RTN4R: variants seen among roughly 807,000 people sequenced by gnomAD.
RTN4R encodes the protein reticulon-4 receptor.
RTN4R carries 4 observed loss-of-function variants against 27.7 expected under a neutral mutation model. The ratio of observed to expected loss-of-function variants is 0.14; its 90% CI spans 0.07 to 0.33. RTN4R has a LOEUF of 0.33. Among genes scored for constraint, RTN4R ranks in the 10% least tolerant of loss-of-function variants. The probability of loss-of-function intolerance (pLI) is 1.00; values close to 1 mark genes in which losing one functional copy is unlikely to be tolerated. For missense variants in RTN4R, 554 were observed against 671.5 expected, an observed-to-expected ratio of 0.83 and a Z score of 1.93; for synonymous variants, 290 against 305.6, an observed-to-expected ratio of 0.95 and a Z score of 0.53.
chr22:20,263,825 G>A (rs1425075787), intron 1 of RTN4R, among the ~76,000 whole-genome samples: 4 of 152,264 alleles, frequency 2.6e-5, no homozygotes, highest in African/African-American at 4.8e-5. Flanking sequence ...ACACAGCTGC[G>A]GAACAGTGTC....
At chr22:20,268,306 GGCGGCGCGGGGGTTGGGGCGTGGGCGGC>G (rs1488412092) in exon 1 of RTN4R, 13 of 142,586 alleles carry the variant, frequency 9.1e-5, no homozygotes, top group Admixed American at 1.4e-4. Flanking sequence ...CGAGGGCGGC[GGCGGCGCGGGGGTTGGGGCGTGGGCGGC>G]GCGGCGGGCC....
At chr22:20,248,141 A>G (rs886746988) in intron 1 of RTN4R, among the ~76,000 whole-genome samples, 3 of 152,230 alleles carry the variant, frequency 2.0e-5, no homozygotes, top group Non-Finnish European at 4.4e-5. Context: ...TGTGGGTATA[A>G]TCAATAGCAA....
intron 1 of RTN4R, among the ~76,000 whole-genome samples, chr22:20,262,745 C>T (rs1361543232): frequency 6.6e-6 from 1 of 152,238 alleles, no homozygotes; most frequent in African/African-American, 2.4e-5. Context: ...GAGAGGCCTA[C>T]GGTGACCAGG....
At chr22:20,248,470 G>A (rs1442478959) in intron 1 of RTN4R, among the ~76,000 whole-genome samples, 1 of 152,174 alleles carries the variant, frequency 6.6e-6, no homozygotes, top group Non-Finnish European at 1.5e-5. Flanking sequence ...GCCCAGGTGA[G>A]AGCTGGCAGC....
At chr22:20,248,954 C>T (rs1045129633) in intron 1 of RTN4R, among the ~76,000 whole-genome samples, 6 of 152,244 alleles carry the variant, frequency 3.9e-5, no homozygotes, top group East Asian at 1.9e-4. Flanking sequence ...GCACCCTCCT[C>T]GGCTCCCACC....
chr22:20,241,828 G>A lies in RTN4R; in HGVS notation c.1305C>T (p.Gly435=). ...TRSHCRLGQA[G]SGGGGTGDSE... ...AGTCACCAGTCCCGCCACCCCCGCT[G>A]CCTGCCTGGCCCAGACGGCAGTGGC... Residue 435 remains glycine (G), a synonymous_variant, in exon 2 of 2, where the codon GGC becomes GGT. Coordinates refer to ENST00000043402, the MANE Select transcript of RTN4R (RefSeq NM_023004.6). 6.2e-7 allele frequency: 1 copy of A among 1,601,058 alleles called. No homozygotes were observed. Among genetic ancestry groups the A allele is most frequent in the Non-Finnish European group, 8.5e-7 (1 of 1,174,628 alleles).
intron 1 of RTN4R, chr22:20,249,016 C>T (rs897291234): frequency 3.5e-5 from 16 of 453,088 alleles, no homozygotes; most frequent in Middle Eastern, 5.1e-4. Flanking sequence ...GTGGAGGCCT[C>T]GCCCAGCCCA....
chr22:20,256,003 C>T (rs1300129645), intron 1 of RTN4R, among the ~76,000 whole-genome samples: 1 of 152,204 alleles, frequency 6.6e-6, no homozygotes, highest in Non-Finnish European at 1.5e-5. Flanking sequence ...ATAACTCTTC[C>T]TTATTTGAAA....
Position 20,255,741 on chromosome 22 carries a change from C to T in RTN4R, c.22+12330G>A, listed in dbSNP as rs989256738. ...CCTTGTCACAGATCTGAGCCCCCCA[C>T]TCCAGGCTGGGGCCCCTCAGGAGCC... On this transcript the variant is annotated intron_variant, in intron 1 of 1. Coordinates refer to ENST00000043402, the MANE Select transcript of RTN4R (RefSeq NM_023004.6). This position sits in a 1 kb window ranked among gnomAD's most constrained non-coding sequence, Gnocchi z 4.8. Among the ~76,000 whole-genome samples the T allele has an allele frequency of 6.6e-6, 1 of 152,150 alleles. No homozygotes were observed. Among genetic ancestry groups the T allele is most frequent in the Non-Finnish European group, 1.5e-5 (1 of 68,014 alleles).
chr22:20,241,554 G>T lies in RTN4R; in HGVS notation c.*157C>A, dbSNP rs2051105427. 6.9e-6 allele frequency: 5 copies of T among 728,098 alleles called. No individual in the cohort carries two copies. Among genetic ancestry groups the T allele is most frequent in the South Asian group, 3.6e-5 (2 of 55,388 alleles). The allele number at this position is 728,098 out of a possible 1,614,324, so 45.1% of individuals were successfully genotyped here. On this transcript the variant is annotated 3_prime_UTR_variant, in exon 2 of 2. Coordinates refer to ENST00000043402, the MANE Select transcript of RTN4R (RefSeq NM_023004.6). ...GCCGCCGAACCCTGTAAACATGATG[G>T]GGTGGAGATGGGGGTGGCGGGCGGC...
In RTN4R at chr22:20,243,596, C is replaced by T. The variant is rs748769087; in HGVS notation, c.23-486G>A. ...TCTCAAAAACGGGCGCCTGGATGCC[C>T]GAGGGCGGGGGTGGAGGGCAAGTGT... On this transcript the variant is annotated intron_variant, in intron 1 of 1. Coordinates refer to ENST00000043402, the MANE Select transcript of RTN4R (RefSeq NM_023004.6). The T allele has an allele frequency of 1.9e-5, 8 of 429,836 alleles. 1 individual carries two copies. The highest frequency in any genetic ancestry group is 6.9e-5 in the South Asian group (4 of 58,102). 26.6% of individuals were successfully genotyped at this position (429,836 alleles called of 1,614,324 possible). A position where few individuals can be genotyped will look rare whatever the true frequency, so the allele number is the denominator to read the frequency against.
intron 1 of RTN4R, among the ~76,000 whole-genome samples, chr22:20,253,205 A>G (rs2051194401): frequency 6.6e-6 from 1 of 152,190 alleles, no homozygotes; most frequent in African/African-American, 2.4e-5. Context: ...ACCCACCTGG[A>G]GCCACTTCCT....
In RTN4R at chr22:20,268,134, T is replaced by G; in HGVS notation, c.-42A>C. On this transcript the variant is annotated 5_prime_UTR_variant, in exon 1 of 2. Transcript: ENST00000043402. ...GGCGCGTCGGGGACTGAAAGTCGTT[T>G]CGGGGCGGGCGCCCGTCTCCCCGCG... is the stretch of plus-strand genomic sequence containing the variant. 1 of 1,075,906 alleles carries G rather than the reference T, an allele frequency of 9.3e-7. No individual in the cohort carries two copies. The allele number at this position is 1,075,906 out of a possible 1,614,324, so 66.6% of individuals were successfully genotyped here.
intron 1 of RTN4R, among the ~76,000 whole-genome samples, chr22:20,267,349 A>C (rs2051283935): frequency 6.6e-6 from 1 of 152,186 alleles, no homozygotes; most frequent in African/African-American, 2.4e-5. Flanking sequence ...ACTCACATGG[A>C]GCCCACCCTC....
chr22:20,256,670 C>A (rs956204099), intron 1 of RTN4R, among the ~76,000 whole-genome samples: 3 of 152,200 alleles, frequency 2.0e-5, no homozygotes, highest in Non-Finnish European at 2.9e-5. Flanking sequence ...GCCTCCCTCC[C>A]AGGCCAGGCC....
chr22:20,247,224 C>A (rs1200266695), intron 1 of RTN4R, among the ~76,000 whole-genome samples: 1 of 152,128 alleles, frequency 6.6e-6, no homozygotes, highest in Admixed American at 6.5e-5. Context: ...GGGGGTGGGA[C>A]CAGCTGTAGC....
At chr22:20,263,620 C>T (rs2051260279) in intron 1 of RTN4R, among the ~76,000 whole-genome samples, 1 of 152,240 alleles carries the variant, frequency 6.6e-6, no homozygotes, top group Non-Finnish European at 1.5e-5. Flanking sequence ...ACACCTCACT[C>T]CCAGATCAGC....
Position 20,241,758 on chromosome 22 carries a change from G to C in RTN4R, c.1375C>G (p.Pro459Ala), listed in dbSNP as rs780884361. The C allele has an allele frequency of 2.6e-6, 4 of 1,552,870 alleles. No homozygotes were observed. Among genetic ancestry groups the C allele is most frequent in the East Asian group, 2.4e-5 (1 of 41,034 alleles). ...CACAGCACCAGCGCCAGGCCCAGGG[G>C]GGTGAGGCTGCAGGTGAGGCTGGGT... ...ALPSLTCSLT[P>A]LGLALVLWTV... The change falls in exon 2 of 2, where the codon CCC becomes GCC. Residue 459 changes from proline to alanine, a missense_variant. Pro to Ala is a conservative substitution (Grantham distance 27, BLOSUM62 -1). Transcript: ENST00000043402.
chr22:20,255,286 A>G lies in RTN4R; in HGVS notation c.23-12176T>C, dbSNP rs185824559. ...ACAGATAAATAAAAAGAAAAAAAAG[A>G]AAGTGTATCTTCCAGAAGGTGGAGA... On this transcript the variant is annotated intron_variant, in intron 1 of 1. Coordinates refer to ENST00000043402, the MANE Select transcript of RTN4R (RefSeq NM_023004.6). This position sits in a 1 kb window ranked among gnomAD's most constrained non-coding sequence, Gnocchi z 4.8. Among the ~76,000 whole-genome samples, 1 of 152,208 alleles carries G rather than the reference A, an allele frequency of 6.6e-6. No individual in the cohort carries two copies. The highest frequency in any genetic ancestry group is 1.9e-4 in the East Asian group (1 of 5,200).
Sources: gnomAD v4.1 joint callset for allele counts (sites outside exome capture counted in the v4.1 genomes callset) on GRCh38, gnomAD v4.1.1 for gene constraint, Gnocchi (gnomAD v3.1) non-coding constraint, MANE v1.5 for transcripts, NCBI Gene and HGNC (gene_info 2026-07-23, HGNC 2026-07-21) for gene names.